The following MACROD2 variants were observed in gnomAD, a reference collection of about 807,000 sequenced individuals.
MACROD2 encodes the protein mono-ADP ribosylhydrolase 2.
In MACROD2, 36 loss-of-function variants were observed where a neutral mutation model predicts 70.4. The ratio of observed to expected loss-of-function variants is 0.51; its 90% CI spans 0.39 to 0.68. MACROD2 has a LOEUF of 0.68. Among genes scored for constraint, MACROD2 ranks in the 30% least tolerant of loss-of-function variants. The pLI, the probability that MACROD2 is intolerant of heterozygous loss-of-function variation, is 0.00. For missense variants in MACROD2, 496 were observed against 538.4 expected (o/e 0.92, Z 0.78); for synonymous variants, 172 against 178.8 (o/e 0.96, Z 0.30).
intron 8 of MACROD2, among the ~76,000 whole-genome samples, chr20:15,681,617 A>G (rs2050161077): frequency 6.6e-6 from 1 of 152,222 alleles, no homozygotes; most frequent in Non-Finnish European, 1.5e-5. Context: ...CATATTGGAC[A>G]TAGAGCTGGG....
At chr20:14,362,885 T>A (rs1163370313) in intron 3 of MACROD2, among the ~76,000 whole-genome samples, 5 of 152,198 alleles carry the variant, frequency 3.3e-5, no homozygotes, top group African/African-American at 1.2e-4. Flanking sequence ...TTTTGAGTAT[T>A]CTTGTTTTTA....
chr20:15,044,693 G>C (rs1288891658), intron 5 of MACROD2, among the ~76,000 whole-genome samples: 1 of 152,112 alleles, frequency 6.6e-6, no homozygotes, highest in African/African-American at 2.4e-5. Flanking sequence ...TTCTTTTCAA[G>C]CCTTTTGGCT....
chr20:14,722,372 C>T (rs2071480004), intron 5 of MACROD2, among the ~76,000 whole-genome samples: 1 of 152,058 alleles, frequency 6.6e-6, no homozygotes, highest in Non-Finnish European at 1.5e-5. Context: ...AATGATGGAG[C>T]CTCCAGTAGT....
At chr20:15,907,199 T>C (rs763999556) in intron 10 of MACROD2, among the ~76,000 whole-genome samples, 7 of 152,228 alleles carry the variant, frequency 4.6e-5, no homozygotes, top group Non-Finnish European at 1.0e-4. Flanking sequence ...TAGATCTGAG[T>C]ATTAAGTGTG....
At chr20:14,736,641 C>G (rs2071668381) in intron 5 of MACROD2, among the ~76,000 whole-genome samples, 1 of 152,062 alleles carries the variant, frequency 6.6e-6, no homozygotes, top group African/African-American at 2.4e-5. Flanking sequence ...GCACAAGGTG[C>G]TATTCTAAGA....
chr20:14,449,606 A>T (rs1305497428), intron 3 of MACROD2, among the ~76,000 whole-genome samples: 3 of 152,140 alleles, frequency 2.0e-5, no homozygotes, highest in African/African-American at 7.2e-5. Flanking sequence ...GAAATGATTC[A>T]TTCTAACTGA....
chr20:15,093,864 T>G (rs1306345769), intron 5 of MACROD2, among the ~76,000 whole-genome samples: 2 of 152,114 alleles, frequency 1.3e-5, no homozygotes, highest in Admixed American at 6.6e-5. Flanking sequence ...CTTTACCTTA[T>G]GAGGAGAAAA....
Position 15,853,315 on chromosome 20 carries a change from G to A in MACROD2, c.646-9430G>A, listed in dbSNP as rs573080576. Among the ~76,000 whole-genome samples, 104 of 152,248 alleles carry A rather than the reference G, an allele frequency of 6.8e-4. 1 individual carries two copies. Among genetic ancestry groups the A allele is most frequent in the African/African-American group, 1.9e-3 (77 of 41,546 alleles). On this transcript the variant is annotated intron_variant, in intron 8 of 17. Coordinates refer to ENST00000684519, the MANE Select transcript of MACROD2 (RefSeq NM_001351661.2). Reference sequence around the variant, plus strand: ...TTTCTATGTGGTCATTATAATCAACGGTGGCAGGCAGGATTCTAAGATGAT... The same window carrying A: ...TTTCTATGTGGTCATTATAATCAACAGTGGCAGGCAGGATTCTAAGATGAT...
At chr20:15,627,773 G>T (rs577473605) in intron 8 of MACROD2, among the ~76,000 whole-genome samples, 70 of 152,306 alleles carry the variant, frequency 4.6e-4, no homozygotes, top group African/African-American at 1.7e-3. Context: ...CAGAATTCCT[G>T]CCCTTCTCCT....
Position 15,021,837 on chromosome 20 carries a change from T to G in MACROD2, c.419-208103T>G, listed in dbSNP as rs372962740. 8.8e-4 allele frequency among the ~76,000 whole-genome samples: 134 copies of G among 152,090 alleles called. 3 individuals carry two copies. In the South Asian group the frequency reaches 0.027, roughly 31 times the overall value. ...GAAGAGTGAACCCTAACATAAACTA[T>G]GGACTTTAGTTAATAATAATATATC... On this transcript the variant is annotated intron_variant, in intron 5 of 17. Coordinates refer to ENST00000684519, the MANE Select transcript of MACROD2 (RefSeq NM_001351661.2).
chr20:15,573,551 T>C (rs2048404047), intron 8 of MACROD2, among the ~76,000 whole-genome samples: 1 of 152,162 alleles, frequency 6.6e-6, no homozygotes, highest in Non-Finnish European at 1.5e-5. Context: ...AAGTAGTTGT[T>C]TGGAAGAAGA....
chr20:15,105,702 C>T (rs1047816105), intron 5 of MACROD2, among the ~76,000 whole-genome samples: 3 of 152,078 alleles, frequency 2.0e-5, no homozygotes, highest in African/African-American at 7.2e-5. Flanking sequence ...TCTGAACTCC[C>T]GGCACTAGAG....
chr20:15,561,843 C>G (rs2048248868), intron 8 of MACROD2, among the ~76,000 whole-genome samples: 1 of 152,016 alleles, frequency 6.6e-6, no homozygotes, highest in Non-Finnish European at 1.5e-5. Context: ...GCTGTTTTAT[C>G]TCAGCTACTG....
chr20:15,469,750 G>A (rs935547776), intron 7 of MACROD2, among the ~76,000 whole-genome samples: 12 of 152,146 alleles, frequency 7.9e-5, no homozygotes, highest in Non-Finnish European at 1.6e-4. Flanking sequence ...GATTAAGGGG[G>A]TTTATGCAAA....
intron 5 of MACROD2, among the ~76,000 whole-genome samples, chr20:14,996,217 T>G (rs528575248): frequency 3.3e-5 from 5 of 152,368 alleles, no homozygotes; most frequent in African/African-American, 1.2e-4. Context: ...CACGGGCCAG[T>G]GTGCTCTGCA....
Position 15,664,037 on chromosome 20 carries a change from T to C in MACROD2, c.645+164190T>C, listed in dbSNP as rs1246760321. ...AATGAGAAACGGGGAATAAATCAGT[T>C]GGTCAGTCTCTCTGTATGATAAATC... On this transcript the variant is annotated intron_variant, in intron 8 of 17. Coordinates refer to ENST00000684519, the MANE Select transcript of MACROD2 (RefSeq NM_001351661.2). 2.0e-5 allele frequency among the ~76,000 whole-genome samples: 3 copies of C among 152,228 alleles called. No homozygotes were observed. In the South Asian group the frequency reaches 6.2e-4, roughly 31 times the overall value.
At chr20:14,204,162 A>G (rs2081503598) in intron 3 of MACROD2, among the ~76,000 whole-genome samples, 1 of 152,178 alleles carries the variant, frequency 6.6e-6, no homozygotes, top group African/African-American at 2.4e-5. Flanking sequence ...TGTCAATAGC[A>G]GTGGCCCTGG....
chr20:14,071,254 T>TTTTG lies in MACROD2; in HGVS notation c.164-14364_164-14363insGTTT, dbSNP rs1176132436. Among the ~76,000 whole-genome samples the TTTTG allele has an allele frequency of 7.7e-3, 661 of 85,932 alleles. 41 individuals carry two copies. Among genetic ancestry groups the TTTTG allele is most frequent in the Non-Finnish European group, 0.011 (445 of 40,788 alleles). 56.4% of individuals were successfully genotyped at this position (85,932 alleles called of 152,430 possible). ...CAGTATTGGCCATTTCATCTTGTGT[T>TTTTG]TTTTTTTTTTTTTTTTTTTTTTTTG... On this transcript the variant is annotated intron_variant, in intron 2 of 17. Transcript: ENST00000684519.
chr20:14,577,659 G>A (rs1161470380), intron 4 of MACROD2, among the ~76,000 whole-genome samples: 5 of 152,002 alleles, frequency 3.3e-5, no homozygotes, highest in Non-Finnish European at 5.9e-5. Context: ...GTGTGTGTCT[G>A]TAGTCCCAGC....
Sources: allele counts gnomAD v4.1 joint callset (sites outside exome capture counted in the v4.1 genomes callset), GRCh38; gene constraint gnomAD v4.1.1; transcripts MANE v1.5; gene names NCBI Gene and HGNC (gene_info 2026-07-23, HGNC 2026-07-21).